CYP2C18: variants seen among roughly 807,000 people sequenced by gnomAD.
CYP2C18 encodes the protein cytochrome P450 family 2 subfamily C member 18.
In CYP2C18, 38 loss-of-function variants were observed where a neutral mutation model predicts 41.3. That is an observed-to-expected ratio of 0.92 (90% confidence interval 0.71 to 1.21). The LOEUF (loss-of-function observed/expected upper bound fraction) is 1.21, where lower values mean the gene tolerates loss of function less well. CYP2C18 is among the 50% of genes most tolerant of loss of function. The pLI, the probability that CYP2C18 is intolerant of heterozygous loss-of-function variation, is 0.00. For missense variants in CYP2C18, 635 were observed against 591.4 expected (o/e 1.07, Z -0.77); for synonymous variants, 236 against 210.0 (o/e 1.12, Z -1.07).
At chr10:94,715,427 G>T (rs900030451) in intron 5 of CYP2C18, among the ~76,000 whole-genome samples, 2 of 151,906 alleles carry the variant, frequency 1.3e-5, no homozygotes, top group South Asian at 4.1e-4. Flanking sequence ...TCTGCATGTA[G>T]TATTGAGATA....
intron 5 of CYP2C18, 73 bp downstream of exon 5, chr10:94,707,033 G>A (rs1259566716): frequency 1.2e-5 from 16 of 1,315,058 alleles, no homozygotes; most frequent in Non-Finnish European, 1.5e-5. Context: ...AAATAGTGAG[G>A]CAAGAAACAC....
chr10:94,725,232 A>G (rs1847719822), intron 7 of CYP2C18, among the ~76,000 whole-genome samples: 1 of 151,342 alleles, frequency 6.6e-6, no homozygotes, highest in African/African-American at 2.4e-5. Context: ...GTGCCACTGC[A>G]CCTGGCTTTT....
At chr10:94,717,375 T>C (rs887919598) in intron 5 of CYP2C18, among the ~76,000 whole-genome samples, 1 of 152,130 alleles carries the variant, frequency 6.6e-6, no homozygotes, top group Admixed American at 6.6e-5. Flanking sequence ...AGGGCAGGCA[T>C]GGTGGTGACA....
chr10:94,714,352 G>T (rs1847501383), intron 5 of CYP2C18, among the ~76,000 whole-genome samples: 1 of 152,010 alleles, frequency 6.6e-6, no homozygotes, highest in African/African-American at 2.4e-5. Flanking sequence ...ATTAATTTTT[G>T]TATAAGATGT....
intron 5 of CYP2C18, among the ~76,000 whole-genome samples, chr10:94,719,670 G>T: frequency 6.6e-6 from 1 of 151,830 alleles, no homozygotes. Context: ...CGTCTCCTGG[G>T]TTCAAGTGAT....
Position 94,733,281 on chromosome 10 carries a change from G to A in CYP2C18, c.1150-16G>A, listed in dbSNP as rs1847864431. Reference sequence around the variant, plus strand: ...GACTTCTTTATAACTTAGTTTGTCTGTTTTGCTATTTTCAGGGCACGACCA... The same window carrying A: ...GACTTCTTTATAACTTAGTTTGTCTATTTTGCTATTTTCAGGGCACGACCA... On this transcript the variant is annotated splice_polypyrimidine_tract_variant and intron_variant, in intron 7 of 8. Coordinates refer to ENST00000285979, the MANE Select transcript of CYP2C18 (RefSeq NM_000772.3). 1 of 1,609,764 alleles carries A rather than the reference G, an allele frequency of 6.2e-7. No individual in the cohort carries two copies.
intron 4 of CYP2C18, among the ~76,000 whole-genome samples, chr10:94,696,364 C>A (rs111358221): frequency 0.048 from 7,257 of 152,266 alleles, 234 homozygotes; most frequent in South Asian, 0.11. Flanking sequence ...GATACCTGGG[C>A]AAACAGGTCT....
intron 5 of CYP2C18, among the ~76,000 whole-genome samples, chr10:94,713,593 G>T (rs1847484455): frequency 6.6e-6 from 1 of 152,142 alleles, no homozygotes; most frequent in South Asian, 2.1e-4. Context: ...ATGGACATTT[G>T]GGTTGGTTCC....
chr10:94,735,321 C>T lies in CYP2C18; in HGVS notation c.1350C>T (p.Thr450=), dbSNP rs559627135. 2.5e-6 allele frequency: 4 copies of T among 1,613,664 alleles called. No individual in the cohort carries two copies. Among genetic ancestry groups the T allele is most frequent in the Non-Finnish European group, 2.5e-6 (3 of 1,179,740 alleles). Residue 450 remains threonine, a synonymous_variant, in exon 9 of 9, where the codon ACC becomes ACT. Transcript: ENST00000285979. ...GCATGGAGCTGTTTTTATTCCTGAC[C>T]ACCATTTTGCAGAACTTTAACCTGA... ...LARMELFLFL[T]TILQNFNLKS... is the part of the protein sequence containing the mutation.
At chr10:94,733,269 C>T (rs1847864216) in intron 7 of CYP2C18, 28 bp from the exon 8 acceptor site, 1 of 1,604,232 alleles carries the variant, frequency 6.2e-7, no homozygotes, top group African/African-American at 1.3e-5. Flanking sequence ...TTCTTTATAA[C>T]TTAGTTTGTC....
chr10:94,715,577 A>G (rs1847524778), intron 5 of CYP2C18, among the ~76,000 whole-genome samples: 1 of 152,062 alleles, frequency 6.6e-6, no homozygotes, highest in African/African-American at 2.4e-5. Flanking sequence ...TGCTGGAATC[A>G]GTTTGTCAGT....
chr10:94,687,280 A>G (rs1846904968), intron 1 of CYP2C18, among the ~76,000 whole-genome samples: 1 of 151,298 alleles, frequency 6.6e-6, no homozygotes, highest in Non-Finnish European at 1.5e-5. Context: ...ATTTTTTAGT[A>G]TTGATGACAG....
chr10:94,693,440 T>C (rs1847051062), intron 3 of CYP2C18, among the ~76,000 whole-genome samples: 1 of 152,180 alleles, frequency 6.6e-6, no homozygotes, highest in Non-Finnish European at 1.5e-5. Flanking sequence ...TTAAACCTCT[T>C]TTCTTATAAA....
chr10:94,688,216 C>G lies in CYP2C18; in HGVS notation c.423C>G (p.Ile141Met). 1.2e-6 allele frequency: 2 copies of G among 1,613,484 alleles called. No homozygotes were observed. Among genetic ancestry groups the G allele is most frequent in the Non-Finnish European group, 1.7e-6 (2 of 1,179,740 alleles). The change falls in exon 3 of 9, where the codon ATC (isoleucine) becomes ATG (methionine). Residue 141 changes from isoleucine to methionine, a missense_variant. By Grantham distance (10) the Ile-to-Met change is conservative. Coordinates refer to ENST00000285979, the MANE Select transcript of CYP2C18 (RefSeq NM_000772.3). ...LRNFGMGKRS[I>M]EDRVQEEARC... Reference sequence around the variant, plus strand: ...ATTTTGGGATGGGGAAGAGGAGCATCGAGGACCGTGTTCAAGAGGAAGCCC... The same window carrying G: ...ATTTTGGGATGGGGAAGAGGAGCATGGAGGACCGTGTTCAAGAGGAAGCCC...
chr10:94,717,804 G>T (rs1281044332), intron 5 of CYP2C18, among the ~76,000 whole-genome samples: 1 of 151,962 alleles, frequency 6.6e-6, no homozygotes. Context: ...ATATTCTGTT[G>T]GTTGATGTGT....
rs1326830 is a variant in CYP2C18 at position 94,736,036 on chromosome 10, C to A, written c.*592C>A. 0.025 allele frequency: 3,822 copies of A among 152,274 alleles called. 248 individuals are homozygous for A. The highest frequency in any genetic ancestry group is 0.21 in the East Asian group (1,076 of 5,156). 9.4% of individuals were successfully genotyped at this position (152,274 alleles called of 1,614,324 possible). ...AGCAGCTGTAACCTGTAGGGAAATA[C>A]TGGAACAATCATCCATAAGAGGGAT... On this transcript the variant is annotated 3_prime_UTR_variant, in exon 9 of 9. Transcript: ENST00000285979.
chr10:94,724,355 A>G lies in CYP2C18; in HGVS notation c.971A>G (p.Gln324Arg). 2.5e-6 allele frequency: 4 copies of G among 1,613,320 alleles called. No individual in the cohort carries two copies. Among genetic ancestry groups the G allele is most frequent in the Non-Finnish European group, 8.5e-7 (1 of 1,179,542 alleles). Residue 324 changes from glutamine (Q) to arginine (R), a missense_variant, in exon 7 of 9, where the codon CAG becomes CGG. By Grantham distance (43) the Gln-to-Arg change is conservative. Coordinates refer to ENST00000285979, the MANE Select transcript of CYP2C18 (RefSeq NM_000772.3). Reference protein sequence around the residue: ...LKYPEVTAKVQEEIECVVGRN... With the variant: ...LKYPEVTAKVREEIECVVGRN... ...ACTTGTGTCTTATCAGCTAAAGTCC[A>G]GGAAGAGATTGAATGTGTAGTTGGC... is the stretch of plus-strand genomic sequence containing the variant.
chr10:94,716,583 G>C (rs1042845861), intron 5 of CYP2C18, among the ~76,000 whole-genome samples: 1 of 152,148 alleles, frequency 6.6e-6, no homozygotes, highest in Non-Finnish European at 1.5e-5. Context: ...CATTTGCTGA[G>C]GAGTGCTTTA....
Position 94,724,160 on chromosome 10 carries a change from T to G in CYP2C18, c.962-186T>G, listed in dbSNP as rs112439624. Among the ~76,000 whole-genome samples the G allele has an allele frequency of 2.4e-3, 369 of 151,974 alleles. 2 individuals carry two copies. The highest frequency in any genetic ancestry group is 7.7e-3 in the African/African-American group (321 of 41,472). ...GTGGTTACAGATTTATCTTAATACT[T>G]AGCTTGTAGGAGAGTTGGATGTATC... On this transcript the variant is annotated intron_variant, in intron 6 of 8. Coordinates refer to ENST00000285979, the MANE Select transcript of CYP2C18 (RefSeq NM_000772.3).
Sources: gnomAD v4.1 joint callset for allele counts (sites outside exome capture counted in the v4.1 genomes callset) on GRCh38, gnomAD v4.1.1 for gene constraint, MANE v1.5 for transcripts, NCBI Gene and HGNC (gene_info 2026-07-23, HGNC 2026-07-21) for gene names.